The following ST18 variants were observed in gnomAD, a reference collection of about 807,000 sequenced individuals.
ST18 encodes the protein suppression of tumorigenicity 18 protein.
Under a neutral mutation model 110.0 loss-of-function variants are expected in ST18, and 50 were observed. That is an observed-to-expected ratio of 0.45 (90% CI 0.36 to 0.58). The LOEUF is 0.58. Among genes scored for constraint, ST18 ranks in the 20% least tolerant of loss-of-function variants. The pLI is 0.00. For missense variants in ST18, 1,306 were observed against 1,280.1 expected (o/e 1.02, Z -0.31); for synonymous variants, 461 against 452.4 (o/e 1.02, Z -0.24).
intron 2 of ST18, among the ~76,000 whole-genome samples, chr8:52,287,840 C>G (rs867533781): frequency 1.3e-5 from 2 of 152,120 alleles, no homozygotes; most frequent in Non-Finnish European, 2.9e-5. Context: ...CCACCTATTA[C>G]GTCTTAATTT....
chr8:52,147,528 A>G (rs1287486462), intron 16 of ST18, among the ~76,000 whole-genome samples: 1 of 152,144 alleles, frequency 6.6e-6, no homozygotes, highest in Admixed American at 6.6e-5. Flanking sequence ...GTTACTACCC[A>G]GGATTGGAGG....
At chr8:52,292,157 A>T (rs1475147632) in intron 2 of ST18, among the ~76,000 whole-genome samples, 1 of 152,250 alleles carries the variant, frequency 6.6e-6, no homozygotes, top group Non-Finnish European at 1.5e-5. Flanking sequence ...ACATATGCTC[A>T]CTGATACCAC....
chr8:52,324,978 A>G lies in ST18; in HGVS notation c.-465+84350T>C, dbSNP rs79167696. 2.1e-3 allele frequency among the ~76,000 whole-genome samples: 324 copies of G among 152,372 alleles called. 1 individual carries two copies. The highest frequency in any genetic ancestry group is 6.9e-3 in the African/African-American group (287 of 41,588). ...TGGAAAAATAAGTTGGACATTTGAA[A>G]AATGTTTTAGTACTAGTCTATAAGG... On this transcript the variant is annotated intron_variant, in intron 2 of 25. Transcript: ENST00000689386.
At chr8:52,186,619 C>G (rs2072351717) in intron 8 of ST18, among the ~76,000 whole-genome samples, 1 of 152,188 alleles carries the variant, frequency 6.6e-6, no homozygotes, top group African/African-American at 2.4e-5. Context: ...CAATAATATT[C>G]ACAGCAGTAG....
At chr8:52,304,101 A>G (rs1413070495) in intron 2 of ST18, among the ~76,000 whole-genome samples, 1 of 152,236 alleles carries the variant, frequency 6.6e-6, no homozygotes, top group African/African-American at 2.4e-5. Context: ...CTACTTCTCA[A>G]TAACAACTAT....
intron 2 of ST18, among the ~76,000 whole-genome samples, chr8:52,392,899 G>A (rs544161846): frequency 3.3e-4 from 51 of 152,270 alleles, no homozygotes; most frequent in African/African-American, 1.1e-3. Flanking sequence ...TGGTCTGATT[G>A]GTTGTGGGAG....
rs555757059 is a variant in ST18, at chr8:52,241,217, A to T, written c.-464-11140T>A. Reference sequence around the variant, plus strand: ...CTTGTGTACTTATGTCTGCATCCTCACTTCTTGATTCAGTTGCTGGAACCT... The same window carrying T: ...CTTGTGTACTTATGTCTGCATCCTCTCTTCTTGATTCAGTTGCTGGAACCT... On this transcript the variant is annotated intron_variant, in intron 2 of 25. Coordinates refer to ENST00000689386, the MANE Select transcript of ST18 (RefSeq NM_001352837.2). Among the ~76,000 whole-genome samples, 4 of 152,156 alleles carry T rather than the reference A, an allele frequency of 2.6e-5. No individual in the cohort carries two copies. In the East Asian group the frequency reaches 7.7e-4, roughly 29 times the overall value.
chr8:52,229,655 A>G (rs1266225303), intron 3 of ST18: 1 of 152,210 alleles, frequency 6.6e-6, no homozygotes, highest in African/African-American at 2.4e-5. Flanking sequence ...TCTTCATTAA[A>G]TCACATCCCT....
At chr8:52,119,424 C>T (rs940158494) in intron 23 of ST18, among the ~76,000 whole-genome samples, 6 of 152,142 alleles carry the variant, frequency 3.9e-5, no homozygotes, top group Admixed American at 1.3e-4. Flanking sequence ...TGAACTTCCA[C>T]GTAGAGACTT....
intron 8 of ST18, among the ~76,000 whole-genome samples, chr8:52,184,314 G>A (rs1587964848): frequency 2.0e-5 from 3 of 152,072 alleles, no homozygotes; most frequent in South Asian, 2.1e-4. Context: ...AACATCCAGC[G>A]TCCCCCAGGA....
chr8:52,278,587 C>A (rs1263263582), intron 2 of ST18, among the ~76,000 whole-genome samples: 1 of 152,020 alleles, frequency 6.6e-6, no homozygotes, highest in Admixed American at 6.6e-5. Context: ...CCTTGGGAAG[C>A]CCAGACCCTT....
chr8:52,132,750 G>A (rs1301518443), intron 21 of ST18, among the ~76,000 whole-genome samples: 4 of 152,046 alleles, frequency 2.6e-5, no homozygotes, highest in South Asian at 2.1e-4. Context: ...TTAAAGTTTC[G>A]GGGGAAAATG....
At position 52,177,980 on chromosome 8, in the gene ST18, T is replaced by C. The variant is rs144700724; in HGVS notation, c.277+2142A>G. On this transcript the variant is annotated intron_variant, in intron 9 of 25. Transcript: ENST00000689386. ...GCATATTCATTATTATTATTAGTGG[T>C]TCTAATATGAAATATAAACATAGTT... Among the ~76,000 whole-genome samples, 9 of 152,338 alleles carry C rather than the reference T, an allele frequency of 5.9e-5. No homozygotes were observed. In the East Asian group the frequency reaches 1.5e-3, roughly 26 times the overall value.
chr8:52,191,303 C>T (rs2134851624), intron 8 of ST18, among the ~76,000 whole-genome samples: 1 of 152,310 alleles, frequency 6.6e-6, no homozygotes, highest in East Asian at 1.9e-4. Context: ...TTATGCACTG[C>T]TAGAAAAACA....
intron 9 of ST18, among the ~76,000 whole-genome samples, chr8:52,173,840 C>A (rs1300650458): frequency 6.6e-6 from 1 of 152,176 alleles, no homozygotes; most frequent in Admixed American, 6.5e-5. Context: ...GCACAGCCAT[C>A]CGGTGTGAGC....
At chr8:52,375,728 C>T (rs1033273224) in intron 2 of ST18, among the ~76,000 whole-genome samples, 1 of 152,164 alleles carries the variant, frequency 6.6e-6, no homozygotes, top group Admixed American at 6.5e-5. Context: ...AGACCTTTCT[C>T]CAGCACTCCA....
At chr8:52,174,716 G>T (rs1475518642) in intron 9 of ST18, among the ~76,000 whole-genome samples, 2 of 152,174 alleles carry the variant, frequency 1.3e-5, no homozygotes, top group African/African-American at 4.8e-5. Context: ...TATGCTAAAA[G>T]AAAATATTTA....
intron 6 of ST18, among the ~76,000 whole-genome samples, chr8:52,216,480 G>A (rs1004512236): frequency 1.3e-5 from 2 of 152,140 alleles, no homozygotes; most frequent in South Asian, 2.1e-4. Context: ...TCAAGTTGCA[G>A]GAGTGAAATG....
chr8:52,121,225 A>G (rs2044664538), intron 23 of ST18, among the ~76,000 whole-genome samples: 1 of 152,198 alleles, frequency 6.6e-6, no homozygotes, highest in African/African-American at 2.4e-5. Context: ...AAGATGCCTA[A>G]TAACAAAAGA....
Sources: allele counts gnomAD v4.1 joint callset (sites outside exome capture counted in the v4.1 genomes callset), GRCh38; gene constraint gnomAD v4.1.1; transcripts MANE v1.5; gene names NCBI Gene and HGNC (gene_info 2026-07-23, HGNC 2026-07-21).